Variants in EPHA3 observed in about 807,000 individuals in gnomAD.
The protein encoded by EPHA3 is EPH receptor A3.
Under a neutral mutation model 107.1 loss-of-function variants are expected in EPHA3, and 42 were observed. That is an observed-to-expected ratio of 0.39 (90% CI 0.31 to 0.51). The LOEUF (loss-of-function observed/expected upper bound fraction) is 0.51. Among genes scored for constraint, EPHA3 ranks in the 20% least tolerant of loss-of-function variants. The pLI, the probability that EPHA3 is intolerant of heterozygous loss-of-function variation, is 0.78. For synonymous variants in EPHA3, 461 were observed against 424.8 expected, an observed-to-expected ratio of 1.09 and a Z score of -1.05; for missense variants, 1,183 against 1,211.2, an observed-to-expected ratio of 0.98 and a Z score of 0.35.
At chr3:89,136,554 C>G (rs1704320703) in intron 2 of EPHA3, among the ~76,000 whole-genome samples, 1 of 151,396 alleles carries the variant, frequency 6.6e-6, no homozygotes, top group Non-Finnish European at 1.5e-5. Context: ...TTCTCTTCAT[C>G]AAAACAGTGT....
chr3:89,437,071 G>A (rs1475351784), intron 13 of EPHA3, among the ~76,000 whole-genome samples: 1 of 152,116 alleles, frequency 6.6e-6, no homozygotes, highest in Non-Finnish European at 1.5e-5. Flanking sequence ...AGGCTATGAA[G>A]TTTCAGTATT....
chr3:89,325,143 A>G (rs1410096272), intron 3 of EPHA3, among the ~76,000 whole-genome samples: 4 of 152,116 alleles, frequency 2.6e-5, no homozygotes, highest in Non-Finnish European at 5.9e-5. Context: ...AGAGAATAGT[A>G]TTGTGATGAA....
At chr3:89,165,740 C>A (rs1705047462) in intron 2 of EPHA3, among the ~76,000 whole-genome samples, 1 of 152,284 alleles carries the variant, frequency 6.6e-6, no homozygotes, top group Non-Finnish European at 1.5e-5. Flanking sequence ...AGCTTTTGTG[C>A]AACAAAATCC....
chr3:89,363,171 T>C (rs1195504900), intron 5 of EPHA3, among the ~76,000 whole-genome samples: 2 of 150,920 alleles, frequency 1.3e-5, no homozygotes, highest in Non-Finnish European at 3.0e-5. Flanking sequence ...ACCAATAGAC[T>C]GTGTGTATCT....
rs151003498 is a variant in EPHA3 at position 89,236,502 on chromosome 3, T to C, written c.814+25982T>C. 8.8e-3 allele frequency among the ~76,000 whole-genome samples: 1,272 copies of C among 143,758 alleles called. 31 individuals are homozygous for C. Among genetic ancestry groups the C allele is most frequent in the African/African-American group, 0.032 (1,213 of 38,476 alleles). The allele number at this position is 143,758 out of a possible 152,430, so 94.3% of individuals were successfully genotyped here. A position where few individuals can be genotyped will look rare whatever the true frequency, so the allele number is the denominator to read the frequency against. ...TAAAACTGTGTACGAAATTTAGCAA[T>C]ATAGTATTAAGTAAAGAGTAAGTCC... On this transcript the variant is annotated intron_variant, in intron 3 of 16. Transcript: ENST00000336596.
intron 1 of EPHA3, among the ~76,000 whole-genome samples, chr3:89,121,104 C>T (rs1707371531): frequency 6.6e-6 from 1 of 152,056 alleles, no homozygotes; most frequent in Non-Finnish European, 1.5e-5. Flanking sequence ...GGCGTGGTGG[C>T]AGGTGCCTCT....
At chr3:89,177,731 T>C (rs1705350712) in intron 2 of EPHA3, among the ~76,000 whole-genome samples, 1 of 152,224 alleles carries the variant, frequency 6.6e-6, no homozygotes, top group Admixed American at 6.5e-5. Flanking sequence ...CAAATCACTC[T>C]GTACATCTCC....
chr3:89,278,349 C>A (rs1444634234), intron 3 of EPHA3, among the ~76,000 whole-genome samples: 1 of 152,114 alleles, frequency 6.6e-6, no homozygotes, highest in Non-Finnish European at 1.5e-5. Flanking sequence ...GCCAGAGAAG[C>A]TTGGCTCTTC....
chr3:89,316,505 A>ATAT (rs1553681524), intron 3 of EPHA3, among the ~76,000 whole-genome samples: 28 of 104,126 alleles, frequency 2.7e-4, no homozygotes, highest in South Asian at 1.1e-3. Context: ...GTGTGTGTGT[A>ATAT]ATATATATAT....
chr3:89,350,362 T>C (rs1164740208), intron 5 of EPHA3, among the ~76,000 whole-genome samples: 1 of 151,410 alleles, frequency 6.6e-6, no homozygotes, highest in Non-Finnish European at 1.5e-5. Flanking sequence ...TTCATTTCAT[T>C]CATTTCATCT....
At chr3:89,173,775 A>C (rs182982962) in intron 2 of EPHA3, among the ~76,000 whole-genome samples, 1 of 152,022 alleles carries the variant, frequency 6.6e-6, no homozygotes, top group Non-Finnish European at 1.5e-5. Flanking sequence ...GCAATTCTTG[A>C]GAACTAAAAC....
At chr3:89,207,056 T>C (rs1320352293) in intron 2 of EPHA3, among the ~76,000 whole-genome samples, 6 of 152,110 alleles carry the variant, frequency 3.9e-5, no homozygotes, top group Admixed American at 3.9e-4. Flanking sequence ...CTTGTTTTGT[T>C]TGTAAGTTAA....
chr3:89,291,347 T>C (rs1706202541), intron 3 of EPHA3, among the ~76,000 whole-genome samples: 1 of 152,148 alleles, frequency 6.6e-6, no homozygotes, highest in Admixed American at 6.6e-5. Flanking sequence ...TGTTGTATTA[T>C]AGAGAAAAAT....
intron 3 of EPHA3, among the ~76,000 whole-genome samples, chr3:89,293,218 A>C (rs537384768): frequency 6.6e-6 from 1 of 152,064 alleles, no homozygotes; most frequent in African/African-American, 2.4e-5. Context: ...TGGAATTTTG[A>C]AAGTTCTTTG....
chr3:89,399,315 A>C lies in EPHA3; in HGVS notation c.1432-3A>C, dbSNP rs745856360. ...ACATGAATTTTTTTTTCTGACCTCA[A>C]AGCAGGAACAAGAAACAAGTTATAC... On this transcript the variant is annotated splice_region_variant and splice_polypyrimidine_tract_variant and intron_variant, in intron 6 of 16. Coordinates refer to ENST00000336596, the MANE Select transcript of EPHA3 (RefSeq NM_005233.6). 2 of 1,591,870 alleles carry C rather than the reference A, an allele frequency of 1.3e-6. No homozygotes were observed. The highest frequency in any genetic ancestry group is 1.1e-5 in the South Asian group (1 of 88,476).
At chr3:89,326,381 A>G (rs927952145) in intron 3 of EPHA3, among the ~76,000 whole-genome samples, 10 of 152,270 alleles carry the variant, frequency 6.6e-5, no homozygotes, top group Admixed American at 2.6e-4. Context: ...GTACATGTTC[A>G]ATACAAGTAC....
chr3:89,372,952 T>G (rs980815154), intron 5 of EPHA3, among the ~76,000 whole-genome samples: 1 of 151,772 alleles, frequency 6.6e-6, no homozygotes, highest in Non-Finnish European at 1.5e-5. Context: ...AGTAGTTTGA[T>G]CAAATACATA....
chr3:89,470,670 A>T (rs1367960389), intron 15 of EPHA3, among the ~76,000 whole-genome samples: 1 of 152,100 alleles, frequency 6.6e-6, no homozygotes, highest in Non-Finnish European at 1.5e-5. Context: ...CACATGATGG[A>T]ATCATAAATC....
intron 15 of EPHA3, among the ~76,000 whole-genome samples, chr3:89,455,800 A>G (rs961663034): frequency 1.8e-4 from 27 of 152,174 alleles, no homozygotes; most frequent in African/African-American, 6.5e-4. Context: ...GTATGTGTTG[A>G]CTCATTCTGT....
Sources: gnomAD v4.1 joint callset for allele counts (sites outside exome capture counted in the v4.1 genomes callset) on GRCh38, gnomAD v4.1.1 for gene constraint, MANE v1.5 for transcripts, NCBI Gene and HGNC (gene_info 2026-07-23, HGNC 2026-07-21) for gene names.